Variants in C3orf20 observed in about 807,000 individuals in gnomAD.
C3orf20 encodes the protein family with sequence similarity 149 member C, also known as uncharacterized protein C3orf20.
Under a neutral mutation model 88.3 loss-of-function variants are expected in C3orf20, and 76 were observed. That is an observed-to-expected ratio of 0.86 (90% CI 0.72 to 1.04). The LOEUF is 1.04. Among genes scored for constraint, C3orf20 ranks in the 50% least tolerant of loss-of-function variants. The probability of loss-of-function intolerance (pLI) is 0.00; values close to 1 mark genes in which losing one functional copy is unlikely to be tolerated. For synonymous variants in C3orf20, 436 were observed against 437.4 expected, an observed-to-expected ratio of 1.00 and a Z score of 0.04; for missense variants, 1,056 against 1,123.3, an observed-to-expected ratio of 0.94 and a Z score of 0.86.
At chr3:14,702,657 T>C (rs377177766) in intron 5 of C3orf20, among the ~76,000 whole-genome samples, 34 of 152,264 alleles carry the variant, frequency 2.2e-4, no homozygotes, top group African/African-American at 7.2e-4. Flanking sequence ...GCCAGGCTTG[T>C]CTCGAACTCC....
intron 12 of C3orf20, among the ~76,000 whole-genome samples, chr3:14,741,230 A>G (rs973695474): frequency 2.0e-5 from 3 of 152,048 alleles, no homozygotes; most frequent in African/African-American, 7.2e-5. Context: ...TCAGATAGAT[A>G]TAGCTCTTCG....
chr3:14,681,537 A>G (rs2032091074), intron 1 of C3orf20, among the ~76,000 whole-genome samples: 1 of 152,184 alleles, frequency 6.6e-6, no homozygotes, highest in African/African-American at 2.4e-5. Context: ...CTGCATCAAG[A>G]TGCTGGAGAT....
At chr3:14,756,028 CAAAAAAAAAAAA>C (rs56242160) in intron 12 of C3orf20, among the ~76,000 whole-genome samples, 81 of 72,740 alleles carry the variant, frequency 1.1e-3, no homozygotes, top group Admixed American at 2.8e-3. Flanking sequence ...GACTCCATCT[CAAAAAAAAAAAA>C]AAAAAAAGAA....
chr3:14,724,837 C>G (rs143073544), intron 10 of C3orf20, among the ~76,000 whole-genome samples: 81 of 152,234 alleles, frequency 5.3e-4, no homozygotes, highest in Middle Eastern at 3.4e-3. Flanking sequence ...AAGGTAGAGT[C>G]TCTATTAAGG....
At position 14,682,876 on chromosome 3, in the gene C3orf20, A is replaced by T. The variant is rs553008344; in HGVS notation, c.163A>T (p.Ile55Phe). 14 of 1,614,236 alleles carry T rather than the reference A, an allele frequency of 8.7e-6. No homozygotes were observed. In the South Asian group the frequency reaches 1.4e-4, roughly 16 times the overall value. ...NIFEFTWEEL[I>F]SDPSVPTPSD... ...CTTTGAGTTCACTTGGGAAGAGCTC[A>T]TCAGTGACCCTTCAGTGCCTACCCC... The change falls in exon 3 of 17, where the codon ATC (isoleucine) becomes TTC (phenylalanine). Residue 55 changes from isoleucine (I) to phenylalanine (F), a missense_variant. By Grantham distance (21) the Ile-to-Phe change is conservative. Coordinates refer to ENST00000253697, the MANE Select transcript of C3orf20 (RefSeq NM_032137.5).
intron 12 of C3orf20, among the ~76,000 whole-genome samples, chr3:14,745,056 A>G (rs921834519): frequency 2.6e-5 from 4 of 152,246 alleles, no homozygotes; most frequent in Admixed American, 2.0e-4. Context: ...ATGTTTCCAG[A>G]TATCCTCAGG....
intron 12 of C3orf20, among the ~76,000 whole-genome samples, chr3:14,741,987 GT>G (rs2034912657): frequency 6.6e-6 from 1 of 152,190 alleles, no homozygotes; most frequent in South Asian, 2.1e-4. Flanking sequence ...TGGTGGGCAT[GT>G]CTGATGGAAA....
At chr3:14,717,118 T>C (rs2033971809) in intron 9 of C3orf20, among the ~76,000 whole-genome samples, 1 of 152,238 alleles carries the variant, frequency 6.6e-6, no homozygotes, top group African/African-American at 2.4e-5. Flanking sequence ...AGACTTTGGC[T>C]GTGCAACTTT....
chr3:14,742,164 G>A (rs180825809), intron 12 of C3orf20, among the ~76,000 whole-genome samples: 54 of 152,274 alleles, frequency 3.5e-4, no homozygotes, highest in African/African-American at 1.2e-3. Context: ...GACAAAAACC[G>A]CAATACTTTT....
intron 10 of C3orf20, 101 bp from the exon 11 acceptor site, chr3:14,726,800 A>G: frequency 2.0e-6 from 3 of 1,535,838 alleles, no homozygotes; most frequent in Non-Finnish European, 2.7e-6. Context: ...GGCAGGCAAT[A>G]GCACATCCTC....
In C3orf20 at chr3:14,760,141, G is replaced by A. The variant is rs1413809210; in HGVS notation, c.2352+143G>A. ...GAATTATCTCCCCACCGTGGCTGAG[G>A]CCCAGAGAGCAGGAAGACTGACCAA... is the stretch of plus-strand genomic sequence containing the variant. On this transcript the variant is annotated intron_variant, in intron 14 of 16. Coordinates refer to ENST00000253697, the MANE Select transcript of C3orf20 (RefSeq NM_032137.5). 8.6e-6 allele frequency: 6 copies of A among 694,102 alleles called. No individual in the cohort carries two copies. In the East Asian group the frequency reaches 1.4e-4, roughly 16 times the overall value. The allele number at this position is 694,102 out of a possible 1,614,324, so 43.0% of individuals were successfully genotyped here.
At chr3:14,758,443 G>C (rs1246559436) in intron 13 of C3orf20, among the ~76,000 whole-genome samples, 1 of 152,120 alleles carries the variant, frequency 6.6e-6, no homozygotes. Flanking sequence ...CACCTATCAG[G>C]CTTATGTAAT....
At position 14,701,610 on chromosome 3, in the gene C3orf20, A is replaced by G. The variant is rs975970159; in HGVS notation, c.746-1520A>G. ...CATCCAGGTCATGCAGATCATTGTC[A>G]TCCGGTCTGCAGAGACTCAGATGAC... On this transcript the variant is annotated intron_variant, in intron 5 of 16. Coordinates refer to ENST00000253697, the MANE Select transcript of C3orf20 (RefSeq NM_032137.5). This position sits in a 1 kb window ranked among gnomAD's most constrained non-coding sequence, Gnocchi z 4.6. 6.6e-6 allele frequency among the ~76,000 whole-genome samples: 1 copy of G among 152,194 alleles called. No individual in the cohort carries two copies. Among genetic ancestry groups the G allele is most frequent in the African/African-American group, 2.4e-5 (1 of 41,446 alleles).
At chr3:14,746,215 G>C (rs1261194122) in intron 12 of C3orf20, among the ~76,000 whole-genome samples, 1 of 152,192 alleles carries the variant, frequency 6.6e-6, no homozygotes, top group East Asian at 1.9e-4. Context: ...AAAGTTGGGG[G>C]TTTTACTAGA....
intron 7 of C3orf20, among the ~76,000 whole-genome samples, chr3:14,713,179 A>G (rs1168509458): frequency 1.3e-5 from 2 of 152,134 alleles, no homozygotes; most frequent in Non-Finnish European, 2.9e-5. Flanking sequence ...CTTCTTGAAC[A>G]TGTATATTAT....
At chr3:14,706,115 A>G (rs1268984478) in intron 7 of C3orf20, among the ~76,000 whole-genome samples, 3 of 152,106 alleles carry the variant, frequency 2.0e-5, no homozygotes, top group Non-Finnish European at 1.5e-5. Context: ...AAGCCCCCCA[A>G]CCAGGCTCTG....
intron 15 of C3orf20, among the ~76,000 whole-genome samples, chr3:14,771,527 C>G (rs1189661779): frequency 6.6e-6 from 1 of 152,276 alleles, no homozygotes; most frequent in Admixed American, 6.5e-5. Flanking sequence ...CACAGAACTG[C>G]AGTCCTCACA....
chr3:14,736,296 C>CTTT (rs35624221), intron 12 of C3orf20, among the ~76,000 whole-genome samples: 635 of 147,308 alleles, frequency 4.3e-3, no homozygotes, highest in Non-Finnish European at 5.1e-3. Context: ...TTTTATTTCA[C>CTTT]TTTTTTTTTT....
At chr3:14,697,687 G>T (rs944221585) in intron 5 of C3orf20, among the ~76,000 whole-genome samples, 26 of 108,616 alleles carry the variant, frequency 2.4e-4, no homozygotes, top group Non-Finnish European at 3.9e-4. Flanking sequence ...TTCTCCTAAT[G>T]CTATCCCTCC....
Sources: gnomAD v4.1 joint callset for allele counts (sites outside exome capture counted in the v4.1 genomes callset) on GRCh38, gnomAD v4.1.1 for gene constraint, Gnocchi (gnomAD v3.1) non-coding constraint, MANE v1.5 for transcripts, NCBI Gene and HGNC (gene_info 2026-07-23, HGNC 2026-07-21) for gene names.